CRPPA: variants seen among roughly 807,000 people sequenced by gnomAD.
CRPPA encodes the protein D-ribitol-5-phosphate cytidylyltransferase.
Under a neutral mutation model 52.0 loss-of-function variants are expected in CRPPA, and 43 were observed. The ratio of observed to expected loss-of-function variants is 0.83; its 90% CI spans 0.65 to 1.07. CRPPA has a LOEUF of 1.07. Ranked by LOEUF, CRPPA falls within the 50% of genes least tolerant of loss-of-function variation. The pLI, the probability that CRPPA is intolerant of heterozygous loss-of-function variation, is 0.00. For synonymous variants in CRPPA, 250 were observed against 203.5 expected (o/e 1.23, Z -1.94); for missense variants, 629 against 551.7 (o/e 1.14, Z -1.40).
chr7:16,187,466 TG>T (rs1781528768), intron 9 of CRPPA, among the ~76,000 whole-genome samples: 1 of 152,206 alleles, frequency 6.6e-6, no homozygotes, highest in Non-Finnish European at 1.5e-5. Context: ...ACAAAGGAAC[TG>T]GGACATTTTT....
chr7:16,265,402 C>A (rs1033055876), intron 6 of CRPPA, among the ~76,000 whole-genome samples: 12 of 152,328 alleles, frequency 7.9e-5, no homozygotes, highest in African/African-American at 2.9e-4. Flanking sequence ...CACTATGCAA[C>A]TTAAAAGTCA....
intron 5 of CRPPA, among the ~76,000 whole-genome samples, chr7:16,286,036 A>C (rs1562608271): frequency 1.6e-4 from 3 of 18,814 alleles, no homozygotes; most frequent in Non-Finnish European, 3.0e-4. Flanking sequence ...AAAAAAAAAA[A>C]AAATATAAAT....
intron 1 of CRPPA, among the ~76,000 whole-genome samples, chr7:16,410,683 C>T (rs1287094870): frequency 1.3e-5 from 2 of 152,278 alleles, no homozygotes; most frequent in African/African-American, 4.8e-5. Flanking sequence ...TCATGCACAT[C>T]ACTTGGTCTC....
At chr7:16,242,231 G>A (rs1464184813) in intron 8 of CRPPA, among the ~76,000 whole-genome samples, 1 of 151,888 alleles carries the variant, frequency 6.6e-6, no homozygotes, top group East Asian at 1.9e-4. Context: ...TGGGATTACA[G>A]GCTTGAGACA....
At position 16,089,178 on chromosome 7, in the gene CRPPA, G is replaced by GCA. The variant is rs1446988672; in HGVS notation, c.*2516_*2517insTG. The GCA allele has an allele frequency of 6.4e-6, 2 of 310,660 alleles. No homozygotes were observed. The highest frequency in any genetic ancestry group is 1.5e-5 in the Non-Finnish European group (2 of 136,616). The allele number at this position is 310,660 out of a possible 1,614,324, so 19.2% of individuals were successfully genotyped here. A position where few individuals can be genotyped will look rare whatever the true frequency, so the allele number is the denominator to read the frequency against. On this transcript the variant is annotated 3_prime_UTR_variant, in exon 10 of 10. Transcript: ENST00000407010. ...AACATAAAAATACATATATACGTAC[G>GCA]TATATACATATATGTGTGTATATAC... is the stretch of plus-strand genomic sequence containing the variant.
intron 2 of CRPPA, among the ~76,000 whole-genome samples, chr7:16,386,829 T>G (rs1234543399): frequency 6.6e-6 from 1 of 151,798 alleles, no homozygotes; most frequent in Non-Finnish European, 1.5e-5. Flanking sequence ...GAGACCAGCC[T>G]GGCCAACAGG....
At chr7:16,197,704 T>C (rs1781768606) in intron 9 of CRPPA, among the ~76,000 whole-genome samples, 1 of 150,276 alleles carries the variant, frequency 6.7e-6, no homozygotes, top group Admixed American at 6.6e-5. Flanking sequence ...TCCATCCAAA[T>C]CTCTGCACTA....
chr7:16,234,649 G>T lies in CRPPA; in HGVS notation c.1120-18452C>A, dbSNP rs1782893970. The stretch of plus-strand genomic sequence containing the variant: ...ATATCTGCCTCCTTCTTTTCTGCAA[G>T]TCATCACAAAGCACCTCGTTGTAGA... On this transcript the variant is annotated intron_variant, in intron 8 of 9. Transcript: ENST00000407010. Among the ~76,000 whole-genome samples the T allele has an allele frequency of 2.0e-5, 3 of 152,018 alleles. No homozygotes were observed. In the South Asian group the frequency reaches 6.2e-4, roughly 32 times the overall value.
At chr7:16,286,039 AT>A (rs1562608348) in intron 5 of CRPPA, among the ~76,000 whole-genome samples, 3,890 of 23,844 alleles carry the variant, frequency 0.16, 692 homozygotes, top group Middle Eastern at 0.2. Flanking sequence ...AAAAAAAAAA[AT>A]ATAAATATAT....
chr7:16,306,960 T>C (rs1356456998), intron 4 of CRPPA, among the ~76,000 whole-genome samples: 1 of 152,186 alleles, frequency 6.6e-6, no homozygotes, highest in African/African-American at 2.4e-5. Context: ...TTTTGGAGTC[T>C]TAGAATTCAA....
intron 2 of CRPPA, among the ~76,000 whole-genome samples, chr7:16,383,434 G>A (rs1318883845): frequency 6.6e-6 from 1 of 152,174 alleles, no homozygotes; most frequent in East Asian, 1.9e-4. Flanking sequence ...GGCTGCTTGG[G>A]GGTCAGGGGT....
intron 3 of CRPPA, 29 bp downstream of exon 3, chr7:16,376,063 C>T: frequency 6.5e-7 from 1 of 1,546,834 alleles, no homozygotes; most frequent in Non-Finnish European, 8.7e-7. Flanking sequence ...GACATAACAG[C>T]AGCTTATTCA....
At chr7:16,257,283 G>A (rs1783670037) in intron 8 of CRPPA, among the ~76,000 whole-genome samples, 1 of 152,064 alleles carries the variant, frequency 6.6e-6, no homozygotes, top group Non-Finnish European at 1.5e-5. Flanking sequence ...AAATTTCTAA[G>A]CAAGTAAATG....
intron 9 of CRPPA, among the ~76,000 whole-genome samples, chr7:16,140,836 T>G (rs1034865384): frequency 2.0e-5 from 3 of 152,244 alleles, no homozygotes; most frequent in African/African-American, 7.2e-5. Context: ...CATGAAATAC[T>G]AAGAACTATT....
intron 1 of CRPPA, among the ~76,000 whole-genome samples, chr7:16,417,298 T>C (rs1195867001): frequency 6.6e-6 from 1 of 152,230 alleles, no homozygotes; most frequent in Non-Finnish European, 1.5e-5. Flanking sequence ...AGTGGGTATA[T>C]ATCCAAAAGA....
rs1245877204 is a variant in CRPPA at position 16,241,791 on chromosome 7, A to G, written c.1119+16599T>C. 2.0e-5 allele frequency among the ~76,000 whole-genome samples: 3 copies of G among 152,230 alleles called. No individual in the cohort carries two copies. The East Asian group carries it at 5.8e-4, about 29-fold the overall frequency. ...TTTGTGGTTTTACATAATACCGCTA[A>G]AAAACACATATAGTTCGTTTTTTTC... On this transcript the variant is annotated intron_variant, in intron 8 of 9. Transcript: ENST00000407010.
intron 9 of CRPPA, among the ~76,000 whole-genome samples, chr7:16,099,397 AGGAAGGGGAG>A (rs1338303448): frequency 8.8e-6 from 1 of 113,820 alleles, no homozygotes; most frequent in Non-Finnish European, 1.8e-5. Flanking sequence ...GGAGGGGAGA[AGGAAGGGGAG>A]GGAAGGGGAG....
chr7:16,157,167 G>A (rs1460452353), intron 9 of CRPPA, among the ~76,000 whole-genome samples: 3 of 144,286 alleles, frequency 2.1e-5, no homozygotes, highest in Non-Finnish European at 4.5e-5. Context: ...AAATCTTTCG[G>A]AACACAAATG....
At position 16,133,261 on chromosome 7, in the gene CRPPA, G is replaced by A. The variant is rs1258201589; in HGVS notation, c.1252-41462C>T. ...GAACCCAGGAGGTGGAGGTTGCAGT[G>A]AGCTGAAATCACACCACTGCACTCA... On this transcript the variant is annotated intron_variant, in intron 9 of 9. Coordinates refer to ENST00000407010, the MANE Select transcript of CRPPA (RefSeq NM_001101426.4). 1.6e-5 allele frequency among the ~76,000 whole-genome samples: 2 copies of A among 121,586 alleles called. 1 individual carries two copies. The highest frequency in any genetic ancestry group is 3.7e-5 in the Non-Finnish European group (2 of 53,824). The allele number at this position is 121,586 out of a possible 152,430, so 79.8% of individuals were successfully genotyped here. A position where few individuals can be genotyped will look rare whatever the true frequency, so the allele number is the denominator to read the frequency against.
Sources: gnomAD v4.1 joint callset for allele counts (sites outside exome capture counted in the v4.1 genomes callset) on GRCh38, gnomAD v4.1.1 for gene constraint, MANE v1.5 for transcripts, NCBI Gene and HGNC (gene_info 2026-07-23, HGNC 2026-07-21) for gene names.